The following ERCC8 variants were observed in gnomAD, a reference collection of about 807,000 sequenced individuals.
ERCC8 encodes ERCC excision repair 8, CSA ubiquitin ligase complex subunit.
In ERCC8, 52 loss-of-function variants were observed where a neutral mutation model predicts 54.9. The observed-to-expected ratio is 0.95, with a 90% CI of 0.76 to 1.19. ERCC8 has a LOEUF of 1.19. Ranked by LOEUF, ERCC8 falls within the 50% of genes most tolerant of loss-of-function variation. ERCC8 has a pLI of 0.00. For missense variants in ERCC8, 514 were observed against 466.1 expected, an observed-to-expected ratio of 1.10 and a Z score of -0.95; for synonymous variants, 146 against 157.2, an observed-to-expected ratio of 0.93 and a Z score of 0.53.
At chr5:60,879,528 A>T (rs1036351560) in intron 11 of ERCC8, among the ~76,000 whole-genome samples, 1 of 152,110 alleles carries the variant, frequency 6.6e-6, no homozygotes, top group African/African-American at 2.4e-5. Flanking sequence ...GTCTCTAAGG[A>T]CTTGTTTTAT....
rs1747846234 is a variant in ERCC8, at chr5:60,870,728, C to G, written c.*3887G>C. On this transcript the variant is annotated 3_prime_UTR_variant, in exon 12 of 12. Coordinates refer to ENST00000676185, the MANE Select transcript of ERCC8 (RefSeq NM_000082.4). ...AGTTACATGCAATTTTTAGATAATC[C>G]AAAAAAGAAGAAGGAAAAAGGAGAA... 6.7e-6 allele frequency among the ~76,000 whole-genome samples: 1 copy of G among 149,302 alleles called. No homozygotes were observed. Among genetic ancestry groups the G allele is most frequent in the Non-Finnish European group, 1.5e-5 (1 of 67,444 alleles).
rs75941815 is a variant in ERCC8, at chr5:60,897,083, C to T, written c.843+1193G>A. ...GCAAGAACCTCTTAGCTCTTCCTTG[C>T]GTATCCCAAGGAAGTTCTCGCCTCA... On this transcript the variant is annotated intron_variant, in intron 9 of 11. Transcript: ENST00000676185. Among the ~76,000 whole-genome samples, 1,122 of 152,236 alleles carry T rather than the reference C, an allele frequency of 7.4e-3. 12 individuals are homozygous for T. Among genetic ancestry groups the T allele is most frequent in the African/African-American group, 0.026 (1,060 of 41,528 alleles).
chr5:60,887,823 G>T (rs1748440313), intron 10 of ERCC8, among the ~76,000 whole-genome samples: 1 of 151,954 alleles, frequency 6.6e-6, no homozygotes, highest in African/African-American at 2.4e-5. Context: ...GTCAGAGAAA[G>T]AAAAAAATAG....
At position 60,873,925 on chromosome 5, in the gene ERCC8, T is replaced by G. The variant is rs1041385798; in HGVS notation, c.*690A>C. 9 of 152,170 alleles carry G rather than the reference T, an allele frequency of 5.9e-5. No homozygotes were observed. Among genetic ancestry groups the G allele is most frequent in the Admixed American group, 3.9e-4 (6 of 15,274 alleles). 9.4% of individuals were successfully genotyped at this position (152,170 alleles called of 1,614,324 possible). A position where few individuals can be genotyped will look rare whatever the true frequency, so the allele number is the denominator to read the frequency against. On this transcript the variant is annotated 3_prime_UTR_variant, in exon 12 of 12. Coordinates refer to ENST00000676185, the MANE Select transcript of ERCC8 (RefSeq NM_000082.4). The stretch of plus-strand genomic sequence containing the variant: ...CTGCTTGAATTAATGAGGCAGGATT[T>G]GGTCATACCTTAATGAGTTTCACAG...
intron 7 of ERCC8, chr5:60,900,751 C>A (rs1748879751): frequency 6.6e-6 from 1 of 152,042 alleles, no homozygotes; most frequent in Non-Finnish European, 1.5e-5. Context: ...ACATATCCAA[C>A]TTTTAACACT....
At chr5:60,941,520 T>A (rs1750257133) in intron 1 of ERCC8, among the ~76,000 whole-genome samples, 1 of 151,296 alleles carries the variant, frequency 6.6e-6, no homozygotes, top group Non-Finnish European at 1.5e-5. Flanking sequence ...TTGGAAAAAA[T>A]GGCTGGAAAG....
chr5:60,939,553 G>A (rs1750195525), intron 1 of ERCC8, among the ~76,000 whole-genome samples: 1 of 152,050 alleles, frequency 6.6e-6, no homozygotes, highest in Admixed American at 6.5e-5. Context: ...GCTGGAGGGT[G>A]GCACAGTCTC....
intron 10 of ERCC8, among the ~76,000 whole-genome samples, chr5:60,889,025 G>C (rs1038571213): frequency 1.2e-4 from 19 of 152,252 alleles, no homozygotes; most frequent in Middle Eastern, 6.8e-3. Context: ...TTCTGACTTT[G>C]ATAATTTTGG....
At chr5:60,903,226 C>A in intron 6 of ERCC8, 1 of 171,780 alleles carries the variant, frequency 5.8e-6, no homozygotes, top group Admixed American at 5.6e-5. Flanking sequence ...TTTAAATACA[C>A]CTTTACCAAA....
At chr5:60,908,895 C>G (rs183450102) in intron 4 of ERCC8, among the ~76,000 whole-genome samples, 142 of 152,136 alleles carry the variant, frequency 9.3e-4, no homozygotes, top group Middle Eastern at 3.4e-3. Flanking sequence ...CCTTTGACCT[C>G]TTATTGAAAA....
At chr5:60,920,804 C>T (rs2112521059) in intron 3 of ERCC8, among the ~76,000 whole-genome samples, 1 of 151,900 alleles carries the variant, frequency 6.6e-6, no homozygotes, top group East Asian at 1.9e-4. Flanking sequence ...CACAGTTCCT[C>T]ACGGAATATT....
chr5:60,898,858 A>G (rs1748793566), intron 8 of ERCC8, among the ~76,000 whole-genome samples: 1 of 151,428 alleles, frequency 6.6e-6, no homozygotes, highest in Non-Finnish European at 1.5e-5. Context: ...TACAAAATTA[A>G]CAAGTTTGAG....
At position 60,868,413 on chromosome 5, in the gene ERCC8, A is replaced by G. The variant is rs142911310; in HGVS notation, c.*6202T>C. 4.6e-5 allele frequency among the ~76,000 whole-genome samples: 7 copies of G among 152,316 alleles called. No individual in the cohort carries two copies. The highest frequency in any genetic ancestry group is 1.7e-4 in the African/African-American group (7 of 41,574). On this transcript the variant is annotated 3_prime_UTR_variant, in exon 12 of 12. Transcript: ENST00000676185. ...TCTTCATGAGGAGTGGTCAGTCAAG[A>G]GGACATTGGGCACCTGAAAAGTCCT...
Position 60,908,649 on chromosome 5 carries a change from C to T in ERCC8, c.400-3776G>A, listed in dbSNP as rs148258692. ...ATTATCATACACCTTGGAACCCATA[C>T]GAAGTGTCACTAGTGATGCTGCAAG... On this transcript the variant is annotated intron_variant, in intron 4 of 11. Transcript: ENST00000676185. Among the ~76,000 whole-genome samples the T allele has an allele frequency of 6.7e-5, 10 of 149,926 alleles. No homozygotes were observed. The East Asian group carries it at 1.8e-3, about 26-fold the overall frequency.
At chr5:60,938,350 A>ATTTT (rs1231887020) in intron 1 of ERCC8, among the ~76,000 whole-genome samples, 4 of 41,036 alleles carry the variant, frequency 9.7e-5, no homozygotes, top group African/African-American at 1.1e-4. Context: ...ACCTTTTTGA[A>ATTTT]TTTTTTTTTT....
rs199805243 is a variant in ERCC8 at position 60,890,997 on chromosome 5, T to C, written c.933A>G (p.Pro311=). The C allele has an allele frequency of 1.3e-4, 209 of 1,613,338 alleles. No individual in the cohort carries two copies. The highest frequency in any genetic ancestry group is 1.6e-4 in the Non-Finnish European group (194 of 1,179,558). The part of the protein sequence containing the change: ...CGCSSEFVFV[P]YGSTIAVYTV... ...TATAAACAGCAATGGTGCTACCATA[T>C]GGTACAAAAACAAATTCTGAACTGC... Residue 311 remains proline, a synonymous_variant, in exon 10 of 12, where the codon CCA becomes CCG. Coordinates refer to ENST00000676185, the MANE Select transcript of ERCC8 (RefSeq NM_000082.4).
chr5:60,933,408 G>A (rs1259557944), intron 1 of ERCC8, among the ~76,000 whole-genome samples: 1 of 151,326 alleles, frequency 6.6e-6, no homozygotes, highest in East Asian at 1.9e-4. Flanking sequence ...TAGTAGAGAT[G>A]GGGTTTCACC....
At chr5:60,924,184 C>T (rs1220257851) in intron 2 of ERCC8, 1 of 152,346 alleles carries the variant, frequency 6.6e-6, no homozygotes, top group Non-Finnish European at 1.5e-5. Flanking sequence ...ATTTCTATTT[C>T]CCATTGCTCT....
chr5:60,898,358 G>C lies in ERCC8; in HGVS notation c.761C>G (p.Thr254Arg). The change falls in exon 9 of 12, where the codon ACA (threonine) becomes AGA (arginine). Residue 254 changes from threonine (T) to arginine (R), a missense_variant. Coordinates refer to ENST00000676185, the MANE Select transcript of ERCC8 (RefSeq NM_000082.4). The stretch of plus-strand genomic sequence containing the variant: ...AGTGAGGAGGTGAAGTCCATCACTT[G>C]TAAAACATAAGCCATTAACTTTCCC... ...HNGKVNGLCF[T>R]SDGLHLLTVG... The C allele has an allele frequency of 6.2e-7, 1 of 1,613,506 alleles. No individual in the cohort carries two copies. Among genetic ancestry groups the C allele is most frequent in the Non-Finnish European group, 8.5e-7 (1 of 1,179,576 alleles).
Sources: allele counts gnomAD v4.1 joint callset (sites outside exome capture counted in the v4.1 genomes callset), GRCh38; gene constraint gnomAD v4.1.1; transcripts MANE v1.5; gene names NCBI Gene and HGNC (gene_info 2026-07-23, HGNC 2026-07-21).